The following DENND5A variants were observed in gnomAD, a reference collection of about 807,000 sequenced individuals.
DENND5A encodes DENN domain containing 5A.
DENND5A carries 64 observed loss-of-function variants against 140.3 expected under a neutral mutation model. The observed-to-expected ratio is 0.46, with a 90% CI of 0.37 to 0.56. DENND5A has a LOEUF of 0.56. DENND5A is among the 20% of genes least tolerant of loss of function. The probability of loss-of-function intolerance (pLI) is 0.00; values close to 1 mark genes in which losing one functional copy is unlikely to be tolerated. For missense variants in DENND5A, 1,292 were observed against 1,593.8 expected (o/e 0.81, Z 3.22); for synonymous variants, 605 against 607.7 (o/e 1.00, Z 0.07).
chr11:9,145,499 CT>C (rs1847397506), intron 17 of DENND5A, 170 bp downstream of exon 17: 5 of 756,362 alleles, frequency 6.6e-6, no homozygotes, highest in Non-Finnish European at 1.1e-5. Flanking sequence ...TGGGGTCCCC[CT>C]CCTCAGGGTC....
At chr11:9,259,344 G>A (rs1852089383) in intron 1 of DENND5A, among the ~76,000 whole-genome samples, 1 of 151,564 alleles carries the variant, frequency 6.6e-6, no homozygotes, top group South Asian at 2.1e-4. Context: ...GGATCACAAG[G>A]TCAGGAGATC....
chr11:9,224,063 G>T (rs187256322), intron 1 of DENND5A, among the ~76,000 whole-genome samples: 1 of 151,936 alleles, frequency 6.6e-6, no homozygotes, highest in Non-Finnish European at 1.5e-5. Context: ...GTGTGGTGGC[G>T]CATGCCTGTA....
At position 9,142,029 on chromosome 11, in the gene DENND5A, G is replaced by A. The variant is rs200898623; in HGVS notation, c.3591C>T (p.Asn1197=). Residue 1197 remains asparagine, a synonymous_variant, in exon 22 of 23, where the codon AAC becomes AAT. Coordinates refer to ENST00000328194, the MANE Select transcript of DENND5A (RefSeq NM_015213.4). ...TGATTGCAGTGACAAATCGGCAGAA[G>A]TTCCGGGCTCTTGTATGCCAGTTTT... The part of the protein sequence containing the change: ...PEENWHTRAR[N]FCRFVTAINN... 2.5e-6 allele frequency: 4 copies of A among 1,606,352 alleles called. No individual in the cohort carries two copies. Among genetic ancestry groups the A allele is most frequent in the Middle Eastern group, 1.7e-4 (1 of 5,830 alleles).
At chr11:9,155,761 A>G (rs543092809) in intron 12 of DENND5A, among the ~76,000 whole-genome samples, 1 of 152,376 alleles carries the variant, frequency 6.6e-6, no homozygotes, top group African/African-American at 2.4e-5. Flanking sequence ...CCAAACCTCT[A>G]TCTGATAGAA....
At chr11:9,156,851 A>G (rs1350230075) in intron 12 of DENND5A, among the ~76,000 whole-genome samples, 3 of 137,182 alleles carry the variant, frequency 2.2e-5, no homozygotes, top group African/African-American at 8.5e-5. Context: ...AAGGAGGGAC[A>G]GAGGGATGGA....
rs191198825 is a variant in DENND5A at position 9,213,836 on chromosome 11, G to A, written c.110-6204C>T. Among the ~76,000 whole-genome samples the A allele has an allele frequency of 6.5e-5, 8 of 122,710 alleles. No homozygotes were observed. The East Asian group carries it at 1.7e-3, about 26-fold the overall frequency. 80.5% of individuals were successfully genotyped at this position (122,710 alleles called of 152,430 possible). On this transcript the variant is annotated intron_variant, in intron 1 of 22. Coordinates refer to ENST00000328194, the MANE Select transcript of DENND5A (RefSeq NM_015213.4). ...AAAAAAAAGAAGAAGAAGAAGCAGT[G>A]AGCCAGGGAGGGGACAAGGGAACCT...
At position 9,144,135 on chromosome 11, in the gene DENND5A, A is replaced by G. The variant is rs1458085733; in HGVS notation, c.3266T>C (p.Ile1089Thr). The G allele has an allele frequency of 1.3e-5, 21 of 1,613,842 alleles. No individual in the cohort carries two copies. Among genetic ancestry groups the G allele is most frequent in the Admixed American group, 3.3e-5 (2 of 59,944 alleles). ...GGGTGAGATGGTAACAAGCCTCCGG[A>G]TGACACTGGGGGACTGCTGCAGCGG... ...TPPLQQSPSV[I>T]RRLVTISPNN... Residue 1089 changes from isoleucine (I) to threonine (T), a missense_variant, in exon 19 of 23, where the codon ATC becomes ACC. Physicochemically the swap from Ile to Thr is moderately conservative, Grantham distance 89 (BLOSUM62 -1). Around this residue, in one of 4 missense-constraint regions of DENND5A, gnomAD observed 498 missense variants for 689.7 expected, o/e 0.72. Coordinates refer to ENST00000328194, the MANE Select transcript of DENND5A (RefSeq NM_015213.4).
chr11:9,146,417 G>C (rs1399647786), intron 16 of DENND5A, among the ~76,000 whole-genome samples: 1 of 152,190 alleles, frequency 6.6e-6, no homozygotes, highest in African/African-American at 2.4e-5. Flanking sequence ...ACCCAGTAGA[G>C]AATCCTGGCA....
chr11:9,249,186 C>T (rs1389500264), intron 1 of DENND5A, among the ~76,000 whole-genome samples: 2 of 151,690 alleles, frequency 1.3e-5, no homozygotes, highest in Admixed American at 6.6e-5. Context: ...TGAGATAGTG[C>T]CACCGCACTC....
intron 10 of DENND5A, 118 bp from the exon 11 acceptor site, chr11:9,166,085 T>TTA: frequency 1.0e-6 from 1 of 995,562 alleles, no homozygotes; most frequent in Non-Finnish European, 1.4e-6. Context: ...TTTTTTCTTT[T>TTA]TCTTTTTTTT....
intron 1 of DENND5A, among the ~76,000 whole-genome samples, chr11:9,247,066 A>G (rs904344228): frequency 6.6e-6 from 1 of 151,898 alleles, no homozygotes; most frequent in African/African-American, 2.4e-5. Flanking sequence ...CGTCTCTACT[A>G]AAAAATAGAA....
intron 5 of DENND5A, among the ~76,000 whole-genome samples, chr11:9,187,809 A>G (rs1432206586): frequency 1.3e-5 from 2 of 152,194 alleles, no homozygotes; most frequent in African/African-American, 2.4e-5. Context: ...CAGTACCTTC[A>G]CTTGCTCAGG....
chr11:9,142,133 A>G, intron 21 of DENND5A, 25 bp from the exon 22 acceptor site: 1 of 1,554,688 alleles, frequency 6.4e-7, no homozygotes, highest in Non-Finnish European at 8.7e-7. Context: ...AAAGCTTGCC[A>G]GTGAAAAGGC....
intron 1 of DENND5A, among the ~76,000 whole-genome samples, chr11:9,257,708 T>C (rs1247861543): frequency 6.6e-6 from 1 of 151,426 alleles, no homozygotes; most frequent in African/African-American, 2.4e-5. Context: ...AGTCTCGATC[T>C]CCTGACCTTG....
chr11:9,152,218 G>A (rs1439131486), intron 13 of DENND5A, 140 bp downstream of exon 13: 2 of 700,260 alleles, frequency 2.9e-6, no homozygotes, highest in African/African-American at 1.8e-5. Context: ...CAGAGAGTCT[G>A]GTGGCTCCAT....
At chr11:9,190,006 G>A (rs11042212) in intron 5 of DENND5A, among the ~76,000 whole-genome samples, 1 of 152,148 alleles carries the variant, frequency 6.6e-6, no homozygotes, top group Non-Finnish European at 1.5e-5. Context: ...GATCATTTTG[G>A]AACTTTAAGA....
rs765522114 is a variant in DENND5A at position 9,143,414 on chromosome 11, G to A, written c.3376C>T (p.Pro1126Ser). ...VNGIVKHFHK[P>S]EKERGSLTLL... is the part of the protein sequence containing the mutation. ...GCAGGAAGGCTCACCTCTTTCTCAG[G>A]CTTATGGAAGTGCTTCACAATGCCA... Residue 1126 changes from proline to serine, a missense_variant, in exon 20 of 23, where the codon CCT (proline) becomes TCT (serine). Transcript: ENST00000328194. The A allele has an allele frequency of 2.5e-6, 4 of 1,613,870 alleles. No individual in the cohort carries two copies. The highest frequency in any genetic ancestry group is 3.4e-6 in the Non-Finnish European group (4 of 1,179,822).
At chr11:9,243,098 A>AAAG (rs1851310023) in intron 1 of DENND5A, among the ~76,000 whole-genome samples, 1 of 138,450 alleles carries the variant, frequency 7.2e-6, no homozygotes, top group East Asian at 1.9e-4. Flanking sequence ...AAAAAAAAAA[A>AAAG]AAAAAACAAA....
chr11:9,198,270 T>C (rs1306167049), intron 4 of DENND5A, among the ~76,000 whole-genome samples: 1 of 151,842 alleles, frequency 6.6e-6, no homozygotes, highest in African/African-American at 2.4e-5. Context: ...AAGTAGTCTC[T>C]GCTCATGTTC....
Sources: gnomAD v4.1 joint callset for allele counts (sites outside exome capture counted in the v4.1 genomes callset) on GRCh38, gnomAD v4.1.1 for gene constraint, gnomAD v4.1.1 regional missense constraint, MANE v1.5 for transcripts, NCBI Gene and HGNC (gene_info 2026-07-23, HGNC 2026-07-21) for gene names.